Variants in PAPPA observed in about 807,000 individuals in gnomAD.
PAPPA encodes pappalysin 1, also known as pappalysin-1.
PAPPA carries 60 observed loss-of-function variants against 164.0 expected under a neutral mutation model. The ratio of observed to expected loss-of-function variants is 0.37; its 90% CI spans 0.30 to 0.45. PAPPA has a LOEUF of 0.45. PAPPA is among the 20% of genes least tolerant of loss of function. The pLI is 1.00. For synonymous variants in PAPPA, 875 were observed against 814.1 expected, an observed-to-expected ratio of 1.07 and a Z score of -1.27; for missense variants, 1,782 against 2,087.3, an observed-to-expected ratio of 0.85 and a Z score of 2.85.
chr9:116,154,449 C>A lies in PAPPA; in HGVS notation c.277C>A (p.Pro93Thr). The A allele has an allele frequency of 2.3e-6, 3 of 1,282,358 alleles. No individual in the cohort carries two copies. Among genetic ancestry groups the A allele is most frequent in the Non-Finnish European group, 3.0e-6 (3 of 1,015,346 alleles). 79.4% of individuals were successfully genotyped at this position (1,282,358 alleles called of 1,614,324 possible). Residue 93 changes from proline to threonine, a missense_variant, in exon 1 of 22, where the codon CCG becomes ACG. Coordinates refer to ENST00000328252, the MANE Select transcript of PAPPA (RefSeq NM_002581.5). This position sits in a 1 kb window ranked among gnomAD's most constrained non-coding sequence, Gnocchi z 5.2. ...ARGATEEPSPPSRALYFSGRG... is the reference protein window; with the variant it reads ...ARGATEEPSPTSRALYFSGRG... Reference sequence around the variant, plus strand: ...GGGCGCCACCGAGGAGCCGAGCCCGCCGAGCCGGGCGCTCTATTTCAGCGG... The same window carrying A: ...GGGCGCCACCGAGGAGCCGAGCCCGACGAGCCGGGCGCTCTATTTCAGCGG...
At chr9:116,333,100 C>T (rs992532286) in intron 12 of PAPPA, among the ~76,000 whole-genome samples, 2 of 152,052 alleles carry the variant, frequency 1.3e-5, no homozygotes, top group Non-Finnish European at 1.5e-5. Flanking sequence ...GCCACTTGTA[C>T]CACCCCTTTG....
At position 116,366,088 on chromosome 9, in the gene PAPPA, T is replaced by C. The variant is rs73516141; in HGVS notation, c.4496-1557T>C. Among the ~76,000 whole-genome samples, 1,475 of 152,064 alleles carry C rather than the reference T, an allele frequency of 9.7e-3. 23 individuals carry two copies. The highest frequency in any genetic ancestry group is 0.034 in the African/African-American group (1,393 of 41,454). The stretch of plus-strand genomic sequence containing the variant: ...AGAATAGGATATTTAAAGAAAAGAG[T>C]TGACTTGCTCCTAGTGTTTGGAGGG... On this transcript the variant is annotated intron_variant, in intron 18 of 21. Transcript: ENST00000328252.
intron 9 of PAPPA, among the ~76,000 whole-genome samples, chr9:116,288,158 C>T (rs1268809965): frequency 1.3e-5 from 2 of 152,146 alleles, no homozygotes; most frequent in Admixed American, 1.3e-4. Context: ...ATCACGAGGT[C>T]AGGAGTTTAA....
chr9:116,303,434 A>G (rs76128670), intron 10 of PAPPA, among the ~76,000 whole-genome samples: 1,988 of 152,208 alleles, frequency 0.013, 51 homozygotes, highest in African/African-American at 0.046. Context: ...GGGCCTTCCC[A>G]ATTCTAAGAA....
intron 9 of PAPPA, among the ~76,000 whole-genome samples, chr9:116,275,113 T>C (rs1176804581): frequency 1.3e-5 from 2 of 152,198 alleles, no homozygotes; most frequent in African/African-American, 2.4e-5. Flanking sequence ...CAGAGAGTGT[T>C]CCATACGTAA....
chr9:116,394,795 C>G (rs1846940694), intron 21 of PAPPA, among the ~76,000 whole-genome samples: 1 of 152,132 alleles, frequency 6.6e-6, no homozygotes, highest in African/African-American at 2.4e-5. Flanking sequence ...CAGCATCAAG[C>G]ACTTATGAAT....
intron 5 of PAPPA, among the ~76,000 whole-genome samples, chr9:116,226,144 G>C (rs1285415218): frequency 6.6e-6 from 1 of 152,186 alleles, no homozygotes; most frequent in Non-Finnish European, 1.5e-5. Context: ...GCTTATCATG[G>C]AGAGAAACAA....
chr9:116,344,519 T>TC, intron 13 of PAPPA, 24 bp from the exon 14 acceptor site: 1 of 1,602,734 alleles, frequency 6.2e-7, no homozygotes, highest in Admixed American at 1.7e-5. Flanking sequence ...GACTCCTTCT[T>TC]CCCCTCGTTT....
intron 18 of PAPPA, among the ~76,000 whole-genome samples, chr9:116,367,214 A>G (rs964604340): frequency 6.6e-6 from 1 of 152,202 alleles, no homozygotes; most frequent in Non-Finnish European, 1.5e-5. Context: ...AGAGGATGAG[A>G]ATTGTGGGAC....
At chr9:116,251,304 C>T (rs1397625591) in intron 7 of PAPPA, among the ~76,000 whole-genome samples, 4 of 152,138 alleles carry the variant, frequency 2.6e-5, no homozygotes, top group Non-Finnish European at 4.4e-5. Context: ...GCTAACTGCA[C>T]GCTGGTTTTC....
intron 7 of PAPPA, among the ~76,000 whole-genome samples, chr9:116,257,321 A>G (rs1844938992): frequency 6.6e-6 from 1 of 152,024 alleles, no homozygotes; most frequent in Admixed American, 6.5e-5. Flanking sequence ...GAATAAGTAC[A>G]ATGTAAAAAG....
intron 1 of PAPPA, among the ~76,000 whole-genome samples, chr9:116,165,966 A>G (rs550296756): frequency 8.5e-5 from 13 of 152,276 alleles, no homozygotes; most frequent in South Asian, 2.1e-4. Context: ...CAAGTTCTCT[A>G]TTGCCTAGCT....
intron 5 of PAPPA, among the ~76,000 whole-genome samples, chr9:116,226,320 C>T (rs1313870089): frequency 1.3e-5 from 2 of 152,128 alleles, no homozygotes; most frequent in Non-Finnish European, 2.9e-5. Flanking sequence ...GGAGAAACAG[C>T]ACACTCTGAT....
intron 13 of PAPPA, among the ~76,000 whole-genome samples, chr9:116,338,639 G>A (rs537667758): frequency 6.4e-4 from 98 of 152,322 alleles, no homozygotes; most frequent in Non-Finnish European, 4.4e-4. Context: ...ACCCACAAAG[G>A]AATTAGTGCC....
rs77850870 is a variant in PAPPA at position 116,283,697 on chromosome 9, C to G, written c.2953+12281C>G. 3.3e-3 allele frequency among the ~76,000 whole-genome samples: 497 copies of G among 152,314 alleles called. 23 individuals carry two copies. The East Asian group carries it at 0.082, about 25-fold the overall frequency. On this transcript the variant is annotated intron_variant, in intron 9 of 21. Transcript: ENST00000328252. ...TATCCGTAAGTTTAAATTTAACTAT[C>G]AGCCGCCATTGGCAGGACTCTGAAA... is the stretch of plus-strand genomic sequence containing the variant.
intron 5 of PAPPA, among the ~76,000 whole-genome samples, chr9:116,225,023 C>T (rs1844489112): frequency 6.6e-6 from 1 of 152,196 alleles, no homozygotes; most frequent in Non-Finnish European, 1.5e-5. Flanking sequence ...ATTATTTGTT[C>T]ACTCATCCAA....
intron 14 of PAPPA, among the ~76,000 whole-genome samples, chr9:116,345,228 C>T (rs1271165737): frequency 6.6e-6 from 1 of 152,126 alleles, no homozygotes; most frequent in Non-Finnish European, 1.5e-5. Context: ...TCAGACAACT[C>T]ATTAATGATG....
At chr9:116,289,571 A>T (rs998448304) in intron 9 of PAPPA, among the ~76,000 whole-genome samples, 1 of 151,904 alleles carries the variant, frequency 6.6e-6, no homozygotes, top group African/African-American at 2.4e-5. Context: ...CTTGACCTCT[A>T]ACATTTATGC....
intron 1 of PAPPA, among the ~76,000 whole-genome samples, chr9:116,161,326 T>A (rs889869700): frequency 6.6e-6 from 1 of 152,206 alleles, no homozygotes; most frequent in Non-Finnish European, 1.5e-5. Flanking sequence ...TGGACCTCAG[T>A]GTTCTCAGGA....
Sources: gnomAD v4.1 joint callset for allele counts (sites outside exome capture counted in the v4.1 genomes callset) on GRCh38, gnomAD v4.1.1 for gene constraint, Gnocchi (gnomAD v3.1) non-coding constraint, MANE v1.5 for transcripts, NCBI Gene and HGNC (gene_info 2026-07-23, HGNC 2026-07-21) for gene names.